Variants in DPP10 observed in about 807,000 individuals in gnomAD.
The protein encoded by DPP10 is inactive dipeptidyl peptidase 10.
Under a neutral mutation model 120.9 loss-of-function variants are expected in DPP10, and 33 were observed. The observed-to-expected ratio is 0.27, with a 90% confidence interval of 0.21 to 0.37. The LOEUF (loss-of-function observed/expected upper bound fraction) is 0.37, where lower values mean the gene tolerates loss of function less well. DPP10 is among the 10% of genes least tolerant of loss of function. DPP10 has a pLI of 1.00. For missense variants in DPP10, 816 were observed against 942.8 expected (o/e 0.87, Z 1.76); for synonymous variants, 337 against 326.1 (o/e 1.03, Z -0.36).
intron 5 of DPP10, among the ~76,000 whole-genome samples, chr2:115,589,520 G>A (rs2082495601): frequency 1.3e-5 from 2 of 152,080 alleles, no homozygotes; most frequent in Non-Finnish European, 2.9e-5. Context: ...ATGTAGAGAG[G>A]ATTTTTTACA....
At chr2:115,818,714 T>C (rs1687513926) in intron 21 of DPP10, among the ~76,000 whole-genome samples, 1 of 152,188 alleles carries the variant, frequency 6.6e-6, no homozygotes, top group Non-Finnish European at 1.5e-5. Context: ...AGGATCTTCA[T>C]TGCCACTGAG....
Position 114,689,845 on chromosome 2 carries a change from T to C in DPP10, c.60+247007T>C, listed in dbSNP as rs185840224. Among the ~76,000 whole-genome samples the C allele has an allele frequency of 1.9e-3, 283 of 152,266 alleles. 1 individual carries two copies. The highest frequency in any genetic ancestry group is 6.6e-3 in the African/African-American group (273 of 41,558). ...TAATGATCAGTGATGCTGAGCTTTT[T>C]TTTTCATATGTTGGTTGGCCGCGTG... On this transcript the variant is annotated intron_variant, in intron 1 of 25. Coordinates refer to ENST00000410059, the MANE Select transcript of DPP10 (RefSeq NM_020868.6).
At chr2:114,550,749 C>T (rs1687817256) in intron 1 of DPP10, among the ~76,000 whole-genome samples, 1 of 152,188 alleles carries the variant, frequency 6.6e-6, no homozygotes, top group South Asian at 2.1e-4. Flanking sequence ...ATTGAAATTA[C>T]TGATTAATTT....
chr2:114,993,206 C>A (rs185287785), intron 1 of DPP10, among the ~76,000 whole-genome samples: 1 of 152,228 alleles, frequency 6.6e-6, no homozygotes, highest in Admixed American at 6.5e-5. Flanking sequence ...CTACAGTTCC[C>A]AGAACCTACT....
At chr2:115,524,397 T>C (rs2078003958) in intron 4 of DPP10, among the ~76,000 whole-genome samples, 1 of 152,096 alleles carries the variant, frequency 6.6e-6, no homozygotes, top group Non-Finnish European at 1.5e-5. Context: ...AATGAACAGC[T>C]AGATGAAGAG....
chr2:115,552,840 T>C (rs1251824560), intron 5 of DPP10, among the ~76,000 whole-genome samples: 1 of 152,018 alleles, frequency 6.6e-6, no homozygotes, highest in Non-Finnish European at 1.5e-5. Context: ...AGACCAAATA[T>C]CTCAATAATC....
At chr2:114,889,313 A>T (rs1410837119) in intron 1 of DPP10, among the ~76,000 whole-genome samples, 3 of 152,160 alleles carry the variant, frequency 2.0e-5, no homozygotes, top group Non-Finnish European at 4.4e-5. Flanking sequence ...TTATTATCTT[A>T]TTCCAAAATT....
At chr2:115,452,061 A>G (rs2073154104) in intron 3 of DPP10, among the ~76,000 whole-genome samples, 1 of 151,946 alleles carries the variant, frequency 6.6e-6, no homozygotes, top group African/African-American at 2.4e-5. Flanking sequence ...TTAAGGTCAC[A>G]TAGTATGTTA....
chr2:114,860,467 T>A (rs1689725459), intron 1 of DPP10, among the ~76,000 whole-genome samples: 1 of 152,238 alleles, frequency 6.6e-6, no homozygotes, highest in African/African-American at 2.4e-5. Context: ...AAAATTTTAC[T>A]TGAATGATTT....
chr2:115,542,837 A>G (rs1025122048), intron 5 of DPP10, among the ~76,000 whole-genome samples: 2 of 151,988 alleles, frequency 1.3e-5, no homozygotes, highest in Admixed American at 1.3e-4. Context: ...CTAAACTCTG[A>G]AGAGATTGAA....
At chr2:114,616,975 G>C (rs188298166) in intron 1 of DPP10, among the ~76,000 whole-genome samples, 1 of 152,092 alleles carries the variant, frequency 6.6e-6, no homozygotes, top group African/African-American at 2.4e-5. Context: ...CAGAGTCCTA[G>C]GTCCCAACTC....
chr2:114,794,151 A>G (rs990063398), intron 1 of DPP10, among the ~76,000 whole-genome samples: 4 of 152,212 alleles, frequency 2.6e-5, no homozygotes, highest in African/African-American at 4.8e-5. Context: ...ACTAGAGGAT[A>G]GCATTTCCAC....
intron 1 of DPP10, among the ~76,000 whole-genome samples, chr2:114,828,253 A>G (rs969725856): frequency 2.2e-4 from 34 of 152,218 alleles, no homozygotes; most frequent in African/African-American, 7.0e-4. Flanking sequence ...GATAATGGGT[A>G]GATGTTCTCA....
At chr2:115,483,481 G>A (rs1375145) in intron 3 of DPP10, among the ~76,000 whole-genome samples, 2 of 58,756 alleles carry the variant, frequency 3.4e-5, no homozygotes, top group Non-Finnish European at 9.4e-5. Flanking sequence ...CTATCTATCT[G>A]TATGTGTATG....
rs60818854 is a variant in DPP10 at position 115,651,434 on chromosome 2, G to T, written c.442-38253G>T. 6.7e-3 allele frequency among the ~76,000 whole-genome samples: 1,024 copies of T among 152,042 alleles called. 9 individuals carry two copies. Among genetic ancestry groups the T allele is most frequent in the African/African-American group, 0.024 (989 of 41,498 alleles). On this transcript the variant is annotated intron_variant, in intron 5 of 25. Transcript: ENST00000410059. ...CCGGCGCTGAATTATCTTCTAAAATGGTTTGCTCAAGTAGAAAGTTAATTA... is the reference window on the plus strand; with the variant it reads ...CCGGCGCTGAATTATCTTCTAAAATTGTTTGCTCAAGTAGAAAGTTAATTA...
chr2:115,183,877 G>A (rs1234802143), intron 1 of DPP10, among the ~76,000 whole-genome samples: 1 of 152,228 alleles, frequency 6.6e-6, no homozygotes, highest in Non-Finnish European at 1.5e-5. Flanking sequence ...GGAATCCAGA[G>A]GACAGGAGGA....
At chr2:114,489,708 G>A (rs1681819009) in intron 1 of DPP10, among the ~76,000 whole-genome samples, 1 of 152,132 alleles carries the variant, frequency 6.6e-6, no homozygotes, top group South Asian at 2.1e-4. Context: ...AAGTTGGTAG[G>A]ACTAGCTCCT....
chr2:114,642,641 G>A (rs1054254433), intron 1 of DPP10, among the ~76,000 whole-genome samples: 1 of 151,710 alleles, frequency 6.6e-6, no homozygotes, highest in South Asian at 2.1e-4. Flanking sequence ...TATCGAGAAA[G>A]CAGGAGGAAC....
chr2:115,017,455 G>A (rs1025199535), intron 1 of DPP10, among the ~76,000 whole-genome samples: 13 of 152,072 alleles, frequency 8.5e-5, no homozygotes, highest in African/African-American at 2.7e-4. Context: ...CAATTCCTCA[G>A]GGATCTAGAA....
Sources: gnomAD v4.1 joint callset for allele counts (sites outside exome capture counted in the v4.1 genomes callset) on GRCh38, gnomAD v4.1.1 for gene constraint, MANE v1.5 for transcripts, NCBI Gene and HGNC (gene_info 2026-07-23, HGNC 2026-07-21) for gene names.